PRKN: variants seen among roughly 807,000 people sequenced by gnomAD.
PRKN encodes the protein E3 ubiquitin-protein ligase parkin.
PRKN carries 56 observed loss-of-function variants against 59.5 expected under a neutral mutation model. The observed-to-expected ratio is 0.94, with a 90% CI of 0.76 to 1.18. The LOEUF (loss-of-function observed/expected upper bound fraction) is 1.18, where lower values mean the gene tolerates loss of function less well. Among genes scored for constraint, PRKN ranks in the 50% most tolerant of loss-of-function variants. The probability of loss-of-function intolerance (pLI) is 0.00; values close to 1 mark genes in which losing one functional copy is unlikely to be tolerated. For synonymous variants in PRKN, 250 were observed against 222.1 expected (o/e 1.13, Z -1.12); for missense variants, 657 against 596.4 (o/e 1.10, Z -1.06).
At chr6:162,005,738 G>T (rs1295429027) in intron 5 of PRKN, among the ~76,000 whole-genome samples, 3 of 152,136 alleles carry the variant, frequency 2.0e-5, no homozygotes, top group African/African-American at 7.2e-5. Context: ...ATACAGAACT[G>T]CAGGGTCTTT....
In PRKN at chr6:161,361,421, C is replaced by G. The variant is rs1474578940; in HGVS notation, c.1168-1216G>C. Reference sequence around the variant, plus strand: ...GGCATAGAATCTGGTACACAGCAGGCGATCAGTACATTTCAGGCAAGTGAA... The same window carrying G: ...GGCATAGAATCTGGTACACAGCAGGGGATCAGTACATTTCAGGCAAGTGAA... On this transcript the variant is annotated intron_variant, in intron 10 of 11. Transcript: ENST00000366898. The surrounding 1 kb of genome is among the most constrained non-coding windows in gnomAD (Gnocchi z 5.2). Among the ~76,000 whole-genome samples the G allele has an allele frequency of 6.6e-6, 1 of 152,134 alleles. No homozygotes were observed. The highest frequency in any genetic ancestry group is 2.1e-4 in the South Asian group (1 of 4,820).
At chr6:161,630,923 C>T (rs955342476) in intron 7 of PRKN, among the ~76,000 whole-genome samples, 1 of 152,182 alleles carries the variant, frequency 6.6e-6, no homozygotes, top group Non-Finnish European at 1.5e-5. Context: ...AAATGTTAGT[C>T]ACAGATAAAA....
At chr6:162,142,897 G>T (rs2128311340) in intron 4 of PRKN, among the ~76,000 whole-genome samples, 1 of 152,288 alleles carries the variant, frequency 6.6e-6, no homozygotes, top group Middle Eastern at 3.4e-3. Flanking sequence ...AAAGCTACTA[G>T]AATTGAATAA....
intron 9 of PRKN, among the ~76,000 whole-genome samples, chr6:161,531,445 C>G (rs1779209714): frequency 6.6e-6 from 1 of 151,772 alleles, no homozygotes; most frequent in African/African-American, 2.4e-5. Context: ...AACACAGCAA[C>G]ATTGCTGAGG....
chr6:162,560,314 T>A (rs144859145), intron 1 of PRKN, among the ~76,000 whole-genome samples: 1 of 152,206 alleles, frequency 6.6e-6, no homozygotes, highest in African/African-American at 2.4e-5. Context: ...AAAATCAGCC[T>A]AACAATATAT....
At chr6:161,739,804 G>C (rs1788114051) in intron 7 of PRKN, among the ~76,000 whole-genome samples, 1 of 151,388 alleles carries the variant, frequency 6.6e-6, no homozygotes, top group Non-Finnish European at 1.5e-5. Flanking sequence ...CTGCAGGCTG[G>C]AGTGCAGTGG....
At chr6:161,926,192 T>C (rs542170904) in intron 6 of PRKN, among the ~76,000 whole-genome samples, 89 of 152,336 alleles carry the variant, frequency 5.8e-4, no homozygotes, top group African/African-American at 2.1e-3. Flanking sequence ...GTTCTTGACC[T>C]GTAGAAAGGC....
chr6:162,625,181 G>A (rs1222883640), intron 1 of PRKN, among the ~76,000 whole-genome samples: 1 of 152,176 alleles, frequency 6.6e-6, no homozygotes, highest in Non-Finnish European at 1.5e-5. Flanking sequence ...GGCAACTTCA[G>A]CCGTGCCACT....
intron 2 of PRKN, among the ~76,000 whole-genome samples, chr6:162,438,932 G>T (rs895958917): frequency 5.3e-5 from 8 of 152,184 alleles, no homozygotes; most frequent in Non-Finnish European, 1.5e-5. Flanking sequence ...TAAATGCTCT[G>T]TTGGAGAACC....
chr6:162,674,031 T>C (rs1779442077), intron 1 of PRKN, among the ~76,000 whole-genome samples: 1 of 152,192 alleles, frequency 6.6e-6, no homozygotes, highest in African/African-American at 2.4e-5. Context: ...GTTCTGAGAT[T>C]GACACCAGCC....
intron 7 of PRKN, among the ~76,000 whole-genome samples, chr6:161,778,448 G>A (rs140580232): frequency 1.3e-5 from 2 of 152,256 alleles, no homozygotes; most frequent in Admixed American, 1.3e-4. Context: ...GGGATAAAAT[G>A]TCCTTTGATT....
chr6:162,276,459 C>T (rs1316613008), intron 2 of PRKN, among the ~76,000 whole-genome samples: 4 of 152,090 alleles, frequency 2.6e-5, no homozygotes, highest in Non-Finnish European at 5.9e-5. Context: ...GCTATGATTA[C>T]AACTAAAGAT....
At chr6:162,122,428 A>T (rs1780952830) in intron 4 of PRKN, among the ~76,000 whole-genome samples, 1 of 152,126 alleles carries the variant, frequency 6.6e-6, no homozygotes, top group Non-Finnish European at 1.5e-5. Context: ...AAAGGCATTT[A>T]TTTTGGGTAT....
intron 7 of PRKN, among the ~76,000 whole-genome samples, chr6:161,641,353 C>T (rs1024815094): frequency 6.6e-6 from 1 of 152,250 alleles, no homozygotes; most frequent in African/African-American, 2.4e-5. Context: ...TTTGCTGACC[C>T]TGCATTCAAT....
At chr6:161,769,199 C>G (rs937366108) in intron 7 of PRKN, among the ~76,000 whole-genome samples, 1 of 152,176 alleles carries the variant, frequency 6.6e-6, no homozygotes, top group Non-Finnish European at 1.5e-5. Flanking sequence ...AAACCTACAT[C>G]GCAGCTTCAG....
In PRKN at chr6:162,455,169, G is replaced by A. The variant is rs529142939; in HGVS notation, c.8-11696C>T. Among the ~76,000 whole-genome samples, 22 of 152,116 alleles carry A rather than the reference G, an allele frequency of 1.4e-4. No homozygotes were observed. The South Asian group carries it at 3.5e-3, about 24-fold the overall frequency. ...TGTTGTCTATAATACTGAAGATGAC[G>A]GTATCTTATATCACCCAGGAGACAA... On this transcript the variant is annotated intron_variant, in intron 1 of 11. Transcript: ENST00000366898.
intron 4 of PRKN, among the ~76,000 whole-genome samples, chr6:162,100,909 C>T (rs763634785): frequency 6.6e-5 from 10 of 152,058 alleles, no homozygotes; most frequent in Non-Finnish European, 8.8e-5. Context: ...TGTTTCTTTA[C>T]CCCATTTTTA....
intron 1 of PRKN, among the ~76,000 whole-genome samples, chr6:162,544,672 ATTTTT>A (rs11296683): frequency 1.4e-5 from 1 of 71,510 alleles, no homozygotes; most frequent in African/African-American, 6.0e-5. Flanking sequence ...TTTATTGTTG[ATTTTT>A]TTTTTTTTTT....
chr6:162,708,426 T>A (rs1778410195), intron 1 of PRKN, among the ~76,000 whole-genome samples: 1 of 152,196 alleles, frequency 6.6e-6, no homozygotes, highest in Admixed American at 6.5e-5. Flanking sequence ...TTTCCCTAAG[T>A]ATTGCAGAAA....
Sources: allele counts gnomAD v4.1 joint callset (sites outside exome capture counted in the v4.1 genomes callset), GRCh38; gene constraint gnomAD v4.1.1; non-coding constraint Gnocchi (gnomAD v3.1); transcripts MANE v1.5; gene names NCBI Gene and HGNC (gene_info 2026-07-23, HGNC 2026-07-21).